C14orf39: variants seen among roughly 807,000 people sequenced by gnomAD.
The protein encoded by C14orf39 is protein SIX6OS1.
A neutral mutation model predicts 85.6 loss-of-function variants in C14orf39; 66 were observed. The observed-to-expected ratio is 0.77, with a 90% confidence interval of 0.63 to 0.95. C14orf39 has a LOEUF of 0.95. C14orf39 is among the 40% of genes least tolerant of loss of function. C14orf39 has a pLI of 0.00. For missense variants in C14orf39, 735 were observed against 663.9 expected, an observed-to-expected ratio of 1.11 and a Z score of -1.18; for synonymous variants, 242 against 214.0, an observed-to-expected ratio of 1.13 and a Z score of -1.14.
intron 12 of C14orf39, 40 bp downstream of exon 12, chr14:60,461,468 A>T (rs749887085): frequency 2.5e-6 from 4 of 1,569,262 alleles, no homozygotes; most frequent in Non-Finnish European, 3.5e-6. Context: ...TCTATAAATT[A>T]TTTCAGAGAT....
At chr14:60,512,468 T>C (rs1893309450) in intron 1 of C14orf39, 1 of 152,232 alleles carries the variant, frequency 6.6e-6, no homozygotes, top group Admixed American at 6.5e-5. Context: ...CTGCAGAATT[T>C]GGTTTTAATC....
At chr14:60,500,008 G>A (rs1425564789) in intron 1 of C14orf39, among the ~76,000 whole-genome samples, 1 of 152,046 alleles carries the variant, frequency 6.6e-6, no homozygotes, top group Non-Finnish European at 1.5e-5. Flanking sequence ...AGAGTGTGAG[G>A]AGGGACTAGC....
rs777640681 is a variant in C14orf39, at chr14:60,466,933, T to C, written c.879A>G (p.Ser293=). Reference sequence around the variant, plus strand: ...ATATTATACCTGCAACTCTTGGTTCTGAAGAATGCATCTTTATTGGTCTTA... The same window carrying C: ...ATATTATACCTGCAACTCTTGGTTCCGAAGAATGCATCTTTATTGGTCTTA... ...KLVRPIKMHS[S]EPRVADIKEE... Residue 293 remains serine, a synonymous_variant, in exon 10 of 18, where the codon TCA becomes TCG. Transcript: ENST00000321731. 4.0e-6 allele frequency: 6 copies of C among 1,489,736 alleles called. No individual in the cohort carries two copies. The South Asian group carries it at 8.7e-5, about 22-fold the overall frequency. 92.3% of individuals were successfully genotyped at this position (1,489,736 alleles called of 1,614,324 possible).
rs1423446411 is a variant in C14orf39 at position 60,436,207 on chromosome 14, TACA to T, written c.*635_*637del. On this transcript the variant is annotated 3_prime_UTR_variant, in exon 18 of 18. Transcript: ENST00000321731. ...AGAATATTAACAGGATCACCACTGA[TACA>T]ACAATCCAATTTTCAGAAATTACTC... The T allele has an allele frequency of 6.6e-6, 1 of 152,116 alleles. No homozygotes were observed. Among genetic ancestry groups the T allele is most frequent in the East Asian group, 1.9e-4 (1 of 5,200 alleles). 9.4% of individuals were successfully genotyped at this position (152,116 alleles called of 1,614,324 possible). A position where few individuals can be genotyped will look rare whatever the true frequency, so the allele number is the denominator to read the frequency against.
chr14:60,514,869 G>A (rs1012366097), intron 1 of C14orf39, among the ~76,000 whole-genome samples: 6 of 152,190 alleles, frequency 3.9e-5, no homozygotes, highest in Non-Finnish European at 8.8e-5. Flanking sequence ...GGCGGAGCCC[G>A]GGGGCGGCCG....
intron 1 of C14orf39, among the ~76,000 whole-genome samples, chr14:60,507,938 T>C (rs1272668708): frequency 6.6e-6 from 1 of 152,128 alleles, no homozygotes; most frequent in Non-Finnish European, 1.5e-5. Context: ...GATGAGATCA[T>C]GGTTTCTTTG....
At chr14:60,499,335 T>C (rs1369895470) in exon 2 of C14orf39, 2 of 151,912 alleles carry the variant, frequency 1.3e-5, no homozygotes, top group African/African-American at 2.4e-5. Flanking sequence ...TGTGAAACAA[T>C]AGGAATAAAT....
chr14:60,464,338 G>C lies in C14orf39; in HGVS notation c.972+1641C>G, dbSNP rs145945803. ...CTTTAGAATTTTATGGCAAGTAAGA[G>C]AAAAACAAACGTTTATCTTGTTTAA... is the stretch of plus-strand genomic sequence containing the variant. On this transcript the variant is annotated intron_variant, in intron 11 of 17. Transcript: ENST00000321731. 4.6e-4 allele frequency among the ~76,000 whole-genome samples: 70 copies of C among 152,234 alleles called. 1 individual carries two copies. The highest frequency in any genetic ancestry group is 8.8e-5 in the Non-Finnish European group (6 of 67,990).
chr14:60,509,889 C>A, intron 1 of C14orf39: 1 of 1,613,164 alleles, frequency 6.2e-7, no homozygotes, highest in Non-Finnish European at 8.5e-7. Flanking sequence ...CTCGCCCAGG[C>A]AACCGGACTG....
rs114227280 is a variant in C14orf39, at chr14:60,498,710, T to C, written c.-9+586A>G. The stretch of plus-strand genomic sequence containing the variant: ...TTTCAAATCTCATGTCTGCTTTTCC[T>C]ACATGAGGAAACGATAAACTTTTAC... On this transcript the variant is annotated intron_variant, in intron 2 of 5. Coordinates refer to the C14orf39 transcript ENST00000556799. Among the ~76,000 whole-genome samples the C allele has an allele frequency of 2.4e-3, 363 of 152,348 alleles. 1 individual carries two copies. The highest frequency in any genetic ancestry group is 8.5e-3 in the African/African-American group (352 of 41,584).
intron 5 of C14orf39, among the ~76,000 whole-genome samples, chr14:60,474,128 T>A (rs1414153413): frequency 1.3e-5 from 2 of 152,218 alleles, no homozygotes; most frequent in Admixed American, 1.3e-4. Flanking sequence ...ATATCCCTTC[T>A]AAGTTGGATT....
chr14:60,504,843 A>G lies in C14orf39; in HGVS notation c.-143-5413T>C, dbSNP rs1893184162. Among the ~76,000 whole-genome samples the G allele has an allele frequency of 2.0e-5, 3 of 152,244 alleles. No individual in the cohort carries two copies. The South Asian group carries it at 6.2e-4, about 32-fold the overall frequency. ...ATTTTTATCCAAGTGCCTAGGATCA[A>G]CCACTAGCTAGAAGTCAAAACACAG... On this transcript the variant is annotated intron_variant, in intron 1 of 5. Transcript: ENST00000556799.
chr14:60,502,931 A>G (rs991435238), intron 1 of C14orf39, among the ~76,000 whole-genome samples: 1 of 152,262 alleles, frequency 6.6e-6, no homozygotes, highest in Non-Finnish European at 1.5e-5. Context: ...TTCAGACCTA[A>G]AGAAACATTT....
intron 2 of C14orf39, among the ~76,000 whole-genome samples, chr14:60,498,331 T>C (rs191297497): frequency 6.6e-6 from 1 of 152,370 alleles, no homozygotes; most frequent in East Asian, 1.9e-4. Context: ...AGCACAGACA[T>C]TTCTCATTGA....
chr14:60,511,367 C>T (rs1893292101), intron 1 of C14orf39: 3 of 1,277,668 alleles, frequency 2.3e-6, no homozygotes, highest in African/African-American at 1.5e-5. Flanking sequence ...AGCCAGGTGA[C>T]CAGGGACCCG....
intron 2 of C14orf39, chr14:60,496,478 C>T (rs939990904): frequency 1.2e-4 from 30 of 260,610 alleles, no homozygotes; most frequent in Non-Finnish European, 2.1e-4. Context: ...CCCTTAGCTG[C>T]CACCATTCTC....
At position 60,491,959 on chromosome 14, in the gene C14orf39, G is replaced by T. The variant is rs940460401; in HGVS notation, c.-8-6873C>A. Among the ~76,000 whole-genome samples, 1 of 152,028 alleles carries T rather than the reference G, an allele frequency of 6.6e-6. No homozygotes were observed. The highest frequency in any genetic ancestry group is 1.5e-5 in the Non-Finnish European group (1 of 68,014). On this transcript the variant is annotated intron_variant, in intron 2 of 5. Coordinates refer to the C14orf39 transcript ENST00000556799. The surrounding 1 kb of genome is among the most constrained non-coding windows in gnomAD (Gnocchi z 4.5). ...ATTTTTCAACAGACAGCATCACCAGGTACAACTACAGGTGCTTCCCTATTG... is the reference window on the plus strand; with the variant it reads ...ATTTTTCAACAGACAGCATCACCAGTTACAACTACAGGTGCTTCCCTATTG...
intron 16 of C14orf39, among the ~76,000 whole-genome samples, chr14:60,442,337 G>A (rs566094194): frequency 6.6e-6 from 1 of 152,050 alleles, no homozygotes. Context: ...CTATTGATTT[G>A]ATTCAGGCAA....
chr14:60,460,887 G>GA (rs892722507), intron 13 of C14orf39, among the ~76,000 whole-genome samples: 15 of 150,342 alleles, frequency 1.0e-4, no homozygotes, highest in African/African-American at 3.4e-4. Flanking sequence ...TAAAAGAACT[G>GA]AAAAAAAACC....
Sources: allele counts gnomAD v4.1 joint callset (sites outside exome capture counted in the v4.1 genomes callset), GRCh38; gene constraint gnomAD v4.1.1; non-coding constraint Gnocchi (gnomAD v3.1); transcripts MANE v1.5; gene names NCBI Gene and HGNC (gene_info 2026-07-23, HGNC 2026-07-21).